The following HTR4 variants were observed in gnomAD, a reference collection of about 807,000 sequenced individuals.
The protein encoded by HTR4 is 5-hydroxytryptamine receptor 4.
Under a neutral mutation model 36.8 loss-of-function variants are expected in HTR4, and 16 were observed. The observed-to-expected ratio is 0.43, with a 90% CI of 0.29 to 0.66. HTR4 has a LOEUF of 0.66. HTR4 is among the 30% of genes least tolerant of loss of function. The pLI is 0.13. For synonymous variants in HTR4, 189 were observed against 185.1 expected (o/e 1.02, Z -0.17); for missense variants, 438 against 490.9 (o/e 0.89, Z 1.02).
At chr5:148,528,410 C>T (rs1045426844) in intron 4 of HTR4, among the ~76,000 whole-genome samples, 3 of 152,066 alleles carry the variant, frequency 2.0e-5, no homozygotes, top group African/African-American at 4.8e-5. Flanking sequence ...AGACCTGGCA[C>T]CTTTGAGGCA....
intron 5 of HTR4, among the ~76,000 whole-genome samples, chr5:148,457,623 T>C (rs979526341): frequency 1.4e-5 from 2 of 148,112 alleles, no homozygotes; most frequent in Admixed American, 1.4e-4. Flanking sequence ...ATCATCAAAA[T>C]ATATTATATA....
intron 4 of HTR4, among the ~76,000 whole-genome samples, chr5:148,532,485 C>T (rs1346222818): frequency 1.3e-5 from 2 of 152,180 alleles, no homozygotes; most frequent in East Asian, 3.9e-4. Context: ...AAATATGTTA[C>T]CAGGTTTTGG....
At chr5:148,536,915 C>T (rs956402480) in intron 4 of HTR4, among the ~76,000 whole-genome samples, 1 of 152,140 alleles carries the variant, frequency 6.6e-6, no homozygotes, top group Non-Finnish European at 1.5e-5. Flanking sequence ...AACTCTCCAC[C>T]CCAAAACAAC....
intron 2 of HTR4, among the ~76,000 whole-genome samples, chr5:148,554,573 G>A (rs1225356053): frequency 6.6e-6 from 1 of 152,184 alleles, no homozygotes; most frequent in Admixed American, 6.5e-5. Flanking sequence ...TGAATGCGGA[G>A]TTATTATTTA....
At chr5:148,635,517 T>C (rs1753502675) in intron 2 of HTR4, among the ~76,000 whole-genome samples, 1 of 152,156 alleles carries the variant, frequency 6.6e-6, no homozygotes, top group South Asian at 2.1e-4. Flanking sequence ...CTAATGTCCA[T>C]TTAATCAAAT....
intron 6 of HTR4, among the ~76,000 whole-genome samples, chr5:148,507,987 C>T (rs924376085): frequency 1.3e-5 from 2 of 152,122 alleles, no homozygotes; most frequent in African/African-American, 2.4e-5. Context: ...CTAGGAGTAT[C>T]CTTTGGGGTC....
At chr5:148,626,130 A>G (rs1324229829) in intron 2 of HTR4, among the ~76,000 whole-genome samples, 1 of 152,196 alleles carries the variant, frequency 6.6e-6, no homozygotes, top group African/African-American at 2.4e-5. Context: ...CTAGGCCATC[A>G]GTAATGCAAC....
intron 6 of HTR4, chr5:148,490,637 C>T: frequency 1.7e-6 from 2 of 1,172,618 alleles, no homozygotes; most frequent in Non-Finnish European, 2.1e-6. Context: ...ACATTCAGTT[C>T]TTCCAGTTAC....
chr5:148,644,421 AGTTT>A (rs577616057), intron 1 of HTR4, among the ~76,000 whole-genome samples: 19 of 85,850 alleles, frequency 2.2e-4, no homozygotes, highest in African/African-American at 8.5e-4. Context: ...CAAGCTCACA[AGTTT>A]TTTTTTTTTT....
intron 5 of HTR4, among the ~76,000 whole-genome samples, chr5:148,510,820 G>C (rs1757462214): frequency 6.6e-6 from 1 of 152,220 alleles, no homozygotes; most frequent in Non-Finnish European, 1.5e-5. Context: ...GTAACAGCCT[G>C]TGTTATAGTG....
At chr5:148,474,617 A>T (rs538691222), downstream of HTR4, among the ~76,000 whole-genome samples, 28 of 152,290 alleles carry the variant, frequency 1.8e-4, no homozygotes, top group South Asian at 5.8e-3. Flanking sequence ...AGGCTACTAG[A>T]CTACCCTCAC....
At chr5:148,479,666 C>T (rs1052741717), downstream of HTR4, among the ~76,000 whole-genome samples, 1 of 152,098 alleles carries the variant, frequency 6.6e-6, no homozygotes. Context: ...ATTCTAGGAC[C>T]TTCAAAGCCT....
At chr5:148,561,886 C>T (rs1219076392) in intron 2 of HTR4, among the ~76,000 whole-genome samples, 2 of 152,188 alleles carry the variant, frequency 1.3e-5, no homozygotes, top group East Asian at 1.9e-4. Context: ...ACCTGCTCTC[C>T]ATTCCTTTGC....
At chr5:148,569,005 A>G (rs898354694) in intron 2 of HTR4, among the ~76,000 whole-genome samples, 1 of 152,112 alleles carries the variant, frequency 6.6e-6, no homozygotes, top group Non-Finnish European at 1.5e-5. Flanking sequence ...ATATACATAT[A>G]ATAAAAAGTA....
intron 2 of HTR4, among the ~76,000 whole-genome samples, chr5:148,577,691 A>G (rs1240381289): frequency 6.6e-6 from 1 of 152,106 alleles, no homozygotes; most frequent in Non-Finnish European, 1.5e-5. Context: ...GCTGGAGGCT[A>G]TTATACTCAG....
In HTR4 at chr5:148,580,649, C is replaced by A. The variant is rs910902754; in HGVS notation, c.27-30387G>T. 5.3e-5 allele frequency among the ~76,000 whole-genome samples: 8 copies of A among 152,102 alleles called. No individual in the cohort carries two copies. The East Asian group carries it at 1.5e-3, about 29-fold the overall frequency. On this transcript the variant is annotated intron_variant, in intron 2 of 6. Transcript: ENST00000377888. ...TTGTCTTTCCGTGACCGACTTATGT[C>A]GCTTAACATAATGTCTTCCAGGTTT...
chr5:148,560,878 A>T (rs1332962961), intron 2 of HTR4, among the ~76,000 whole-genome samples: 1 of 152,178 alleles, frequency 6.6e-6, no homozygotes, highest in Non-Finnish European at 1.5e-5. Context: ...AAAAAAACAC[A>T]TGCTAAAATT....
chr5:148,571,211 G>C (rs1481786901), intron 2 of HTR4, among the ~76,000 whole-genome samples: 1 of 152,026 alleles, frequency 6.6e-6, no homozygotes, highest in Non-Finnish European at 1.5e-5. Flanking sequence ...AAAGAATCTT[G>C]CATGGTAATT....
intron 1 of HTR4, among the ~76,000 whole-genome samples, chr5:148,638,481 A>G (rs1004421524): frequency 6.6e-6 from 1 of 152,236 alleles, no homozygotes; most frequent in African/African-American, 2.4e-5. Context: ...CTGAAAATAC[A>G]GTACAATTAC....
Sources: gnomAD v4.1 joint callset for allele counts (sites outside exome capture counted in the v4.1 genomes callset) on GRCh38, gnomAD v4.1.1 for gene constraint, MANE v1.5 for transcripts, NCBI Gene and HGNC (gene_info 2026-07-23, HGNC 2026-07-21) for gene names.